Variants in TIAM1 observed in about 807,000 individuals in gnomAD.
TIAM1 encodes TIAM Rac1 associated GEF 1.
In TIAM1, 65 loss-of-function variants were observed where a neutral mutation model predicts 163.5. That is an observed-to-expected ratio of 0.40 (90% CI 0.33 to 0.49). TIAM1 has a LOEUF of 0.49. TIAM1 is among the 20% of genes least tolerant of loss of function. The probability of loss-of-function intolerance (pLI) is 0.77; values close to 1 mark genes in which losing one functional copy is unlikely to be tolerated. For missense variants in TIAM1, 1,789 were observed against 2,044.7 expected, an observed-to-expected ratio of 0.87 and a Z score of 2.41; for synonymous variants, 833 against 810.1, an observed-to-expected ratio of 1.03 and a Z score of -0.48.
At chr21:31,221,260 G>A (rs2087539855) in intron 8 of TIAM1, among the ~76,000 whole-genome samples, 1 of 152,234 alleles carries the variant, frequency 6.6e-6, no homozygotes, top group African/African-American at 2.4e-5. Flanking sequence ...ACTTGTTCCG[G>A]CTGAAATGAA....
intron 6 of TIAM1, among the ~76,000 whole-genome samples, chr21:31,242,265 A>T (rs2071220994): frequency 6.6e-6 from 1 of 152,182 alleles, no homozygotes; most frequent in South Asian, 2.1e-4. Flanking sequence ...CATGCCTGTA[A>T]TCCCAGCACT....
chr21:31,555,825 T>C (rs889806700), intron 1 of TIAM1, among the ~76,000 whole-genome samples: 1 of 152,166 alleles, frequency 6.6e-6, no homozygotes, highest in Non-Finnish European at 1.5e-5. Context: ...ATGCACCTAG[T>C]AGGCCCTCAG....
At chr21:31,386,525 C>G (rs1398485056) in intron 2 of TIAM1, among the ~76,000 whole-genome samples, 2 of 152,180 alleles carry the variant, frequency 1.3e-5, no homozygotes, top group East Asian at 3.9e-4. Context: ...CATGGAGGAA[C>G]TGCCGCAGCC....
At chr21:31,349,238 G>A (rs2076196435), upstream of TIAM1, among the ~76,000 whole-genome samples, 1 of 152,172 alleles carries the variant, frequency 6.6e-6, no homozygotes, top group Admixed American at 6.5e-5. Context: ...AGTCAACAGG[G>A]TCAGGACTCC....
chr21:31,326,574 C>A (rs1026318614), intron 2 of TIAM1, among the ~76,000 whole-genome samples: 1 of 152,212 alleles, frequency 6.6e-6, no homozygotes, highest in East Asian at 1.9e-4. Flanking sequence ...AAGGCTTCTG[C>A]AATGACAACA....
intron 1 of TIAM1, among the ~76,000 whole-genome samples, chr21:31,340,318 C>A (rs571425872): frequency 6.6e-6 from 1 of 152,012 alleles, no homozygotes; most frequent in Admixed American, 6.6e-5. Context: ...CGCTACATTC[C>A]CTTGTCGGGG....
intron 1 of TIAM1, among the ~76,000 whole-genome samples, chr21:31,482,206 C>T (rs971301939): frequency 6.6e-5 from 10 of 151,934 alleles, no homozygotes; most frequent in African/African-American, 1.9e-4. Context: ...GGCTGGAGTG[C>T]AGCGGCGCAA....
At chr21:31,495,138 G>A (rs2046598218) in intron 1 of TIAM1, among the ~76,000 whole-genome samples, 1 of 152,214 alleles carries the variant, frequency 6.6e-6, no homozygotes, top group African/African-American at 2.4e-5. Context: ...TAAATATAGA[G>A]AGAATTATAA....
intron 22 of TIAM1, among the ~76,000 whole-genome samples, 183 bp from the exon 23 acceptor site, chr21:31,136,224 T>C (rs534061418): frequency 8.5e-5 from 13 of 152,240 alleles, no homozygotes; most frequent in African/African-American, 3.1e-4. Context: ...CATTCCACAA[T>C]GTAACATATC....
In TIAM1 at chr21:31,522,415, C is replaced by A. The variant is rs1478093273; in HGVS notation, c.-422+36512G>T. Among the ~76,000 whole-genome samples the A allele has an allele frequency of 3.3e-5, 5 of 151,282 alleles. 1 individual carries two copies. The South Asian group carries it at 8.4e-4, about 25-fold the overall frequency. On this transcript the variant is annotated intron_variant, in intron 1 of 28. Transcript: ENST00000286827. ...ATCCCAGCTACTCAGTAGGCTGAGG[C>A]AGGAGAATCGCTTGAACCCGGGAGG...
intron 15 of TIAM1, among the ~76,000 whole-genome samples, chr21:31,172,486 C>T (rs2084560551): frequency 6.6e-6 from 1 of 152,176 alleles, no homozygotes; most frequent in Admixed American, 6.5e-5. Flanking sequence ...CACGACAGCT[C>T]TGCTACCAAT....
rs2086266755 is a variant in TIAM1, at chr21:31,202,783, G to A, written c.2493+125C>T. ...TAGGGCCATCTCCACCAACTTAAGG[G>A]CTATGAATGAAGCTCATTTATTTTT... On this transcript the variant is annotated intron_variant, in intron 12 of 27. Coordinates refer to ENST00000541036, the MANE Select transcript of TIAM1 (RefSeq NM_001353694.2). 3.5e-6 allele frequency: 3 copies of A among 865,634 alleles called. No homozygotes were observed. The Admixed American group carries it at 6.8e-5, about 20-fold the overall frequency. 53.6% of individuals were successfully genotyped at this position (865,634 alleles called of 1,614,324 possible).
chr21:31,408,662 G>GA (rs2077290403), intron 2 of TIAM1, among the ~76,000 whole-genome samples: 1 of 152,164 alleles, frequency 6.6e-6, no homozygotes, highest in Non-Finnish European at 1.5e-5. Context: ...TGAATGGGGA[G>GA]CAAATTCCTA....
intron 2 of TIAM1, among the ~76,000 whole-genome samples, chr21:31,331,979 A>G (rs2075690935): frequency 6.6e-6 from 1 of 152,182 alleles, no homozygotes; most frequent in South Asian, 2.1e-4. Flanking sequence ...AACATATCCA[A>G]TTACTGAGAA....
At chr21:31,447,429 C>G (rs1451572524) in intron 2 of TIAM1, among the ~76,000 whole-genome samples, 1 of 151,378 alleles carries the variant, frequency 6.6e-6, no homozygotes, top group East Asian at 1.9e-4. Flanking sequence ...GAGCAAGACT[C>G]TATCTCAAGA....
intron 1 of TIAM1, among the ~76,000 whole-genome samples, chr21:31,478,355 T>TA (rs924516189): frequency 2.0e-5 from 3 of 152,284 alleles, no homozygotes; most frequent in Non-Finnish European, 4.4e-5. Context: ...TACTTGTAAT[T>TA]AAAAAGTTTA....
intron 1 of TIAM1, among the ~76,000 whole-genome samples, chr21:31,530,988 G>T (rs905030033): frequency 3.9e-5 from 6 of 152,100 alleles, no homozygotes; most frequent in African/African-American, 1.4e-4. Flanking sequence ...CCACAGAGTA[G>T]CAACCATGGC....
In TIAM1 at chr21:31,265,552, C is replaced by T. The variant is rs1351718826; in HGVS notation, c.963+458G>A. Among the ~76,000 whole-genome samples the T allele has an allele frequency of 3.3e-5, 5 of 151,838 alleles. No homozygotes were observed. In the East Asian group the frequency reaches 5.8e-4, roughly 18 times the overall value. On this transcript the variant is annotated intron_variant, in intron 4 of 27. Coordinates refer to ENST00000541036, the MANE Select transcript of TIAM1 (RefSeq NM_001353694.2). The stretch of plus-strand genomic sequence containing the variant: ...GAGAAGCTGACAAGTGACCCAAACC[C>T]GCCCAGAATTTAAAATGCCTCCTCA...
At chr21:31,165,370 A>C (rs2084160089) in intron 15 of TIAM1, among the ~76,000 whole-genome samples, 1 of 152,160 alleles carries the variant, frequency 6.6e-6, no homozygotes, top group East Asian at 1.9e-4. Flanking sequence ...TAGTTAGAAG[A>C]GGGATGTTTG....
Sources: gnomAD v4.1 joint callset for allele counts (sites outside exome capture counted in the v4.1 genomes callset) on GRCh38, gnomAD v4.1.1 for gene constraint, MANE v1.5 for transcripts, NCBI Gene and HGNC (gene_info 2026-07-23, HGNC 2026-07-21) for gene names.